The following DDX1 variants were observed in gnomAD, a reference collection of about 807,000 sequenced individuals.
DDX1 encodes ATP-dependent RNA helicase DDX1.
A neutral mutation model predicts 108.7 loss-of-function variants in DDX1; 28 were observed. The ratio of observed to expected loss-of-function variants is 0.26; its 90% confidence interval spans 0.19 to 0.35. The LOEUF (loss-of-function observed/expected upper bound fraction) is 0.35. DDX1 is among the 10% of genes least tolerant of loss of function. The pLI is 1.00. For missense variants in DDX1, 710 were observed against 884.5 expected (o/e 0.80, Z 2.50); for synonymous variants, 295 against 288.9 (o/e 1.02, Z -0.21).
intron 6 of DDX1, among the ~76,000 whole-genome samples, chr2:15,600,864 A>G (rs558320803): frequency 8.9e-5 from 12 of 135,138 alleles, no homozygotes; most frequent in African/African-American, 3.4e-4. Context: ...GTGTTTTCTT[A>G]TGCATCCAGT....
At chr2:15,624,542 T>C (rs1477949027) in intron 19 of DDX1, among the ~76,000 whole-genome samples, 3 of 152,134 alleles carry the variant, frequency 2.0e-5, no homozygotes, top group Non-Finnish European at 4.4e-5. Flanking sequence ...AAGCCCCTTA[T>C]AAAACCATCA....
At chr2:15,625,423 A>C (rs956289424) in intron 19 of DDX1, among the ~76,000 whole-genome samples, 1 of 152,164 alleles carries the variant, frequency 6.6e-6, no homozygotes, top group African/African-American at 2.4e-5. Flanking sequence ...GATTTCTTGA[A>C]TACAACTTTT....
In DDX1 at chr2:15,596,726, T is replaced by A. The variant is rs1665506324; in HGVS notation, c.133-8T>A. On this transcript the variant is annotated splice_region_variant and splice_polypyrimidine_tract_variant and intron_variant, in intron 3 of 25. Coordinates refer to ENST00000233084, the MANE Select transcript of DDX1 (RefSeq NM_004939.3). ...ATCTGTAAAATCAACTTTTTTCCCC[T>A]CATTCAGGCTGCAGAAACAGGAAGT... 6.2e-7 allele frequency: 1 copy of A among 1,610,972 alleles called. No individual in the cohort carries two copies. Among genetic ancestry groups the A allele is most frequent in the Non-Finnish European group, 8.5e-7 (1 of 1,177,920 alleles).
chr2:15,613,344 G>T, intron 14 of DDX1, 60 bp downstream of exon 14: 2 of 1,189,890 alleles, frequency 1.7e-6, no homozygotes, highest in South Asian at 2.8e-5. Context: ...TAGCAATACA[G>T]CTCTGTTTTG....
At chr2:15,595,089 C>A (rs1665477453) in intron 1 of DDX1, 56 bp from the exon 2 acceptor site, 1 of 1,325,244 alleles carries the variant, frequency 7.5e-7, no homozygotes, top group Non-Finnish European at 1.1e-6. Context: ...ATTTTGAGAG[C>A]AATGCAATTT....
At chr2:15,612,296 G>C (rs556132759) in intron 13 of DDX1, among the ~76,000 whole-genome samples, 444 of 150,988 alleles carry the variant, frequency 2.9e-3, no homozygotes, top group South Asian at 0.011. Flanking sequence ...ACGGGGTCGC[G>C]GCCGGGTAGA....
intron 7 of DDX1, 79 bp from the exon 8 acceptor site, chr2:15,603,113 A>G (rs1665612094): frequency 4.1e-6 from 4 of 984,838 alleles, no homozygotes; most frequent in Admixed American, 4.4e-5. Flanking sequence ...TGTAATTCAG[A>G]AACAATGGGA....
chr2:15,619,112 C>T lies in DDX1; in HGVS notation c.1206+842C>T, dbSNP rs542402060. 2.9e-4 allele frequency among the ~76,000 whole-genome samples: 44 copies of T among 152,320 alleles called. No homozygotes were observed. The South Asian group carries it at 8.9e-3, about 31-fold the overall frequency. On this transcript the variant is annotated intron_variant, in intron 16 of 25. Transcript: ENST00000233084. ...GAGCTCCTGCCTGCCCTGGCTCCCACCACCACCCTGGGCCCAGCTCCATCT... is the reference window on the plus strand; with the variant it reads ...GAGCTCCTGCCTGCCCTGGCTCCCATCACCACCCTGGGCCCAGCTCCATCT...
chr2:15,605,911 C>G (rs772131825), intron 10 of DDX1, 39 bp from the exon 11 acceptor site: 1 of 1,391,252 alleles, frequency 7.2e-7, no homozygotes, highest in East Asian at 2.3e-5. Flanking sequence ...AAGGTCTTTT[C>G]TGATTGTTTT....
Position 15,606,266 on chromosome 2 carries a change from T to G in DDX1, c.817+2T>G. 1 of 1,596,694 alleles carries G rather than the reference T, an allele frequency of 6.3e-7. No individual in the cohort carries two copies. Among genetic ancestry groups the G allele is most frequent in the Non-Finnish European group, 8.6e-7 (1 of 1,164,956 alleles). ...ACATTGTCAAATCACAGCACTCAGGTATTATACCTGCAAGGGTAAGGATTT... is the reference window on the plus strand; with the variant it reads ...ACATTGTCAAATCACAGCACTCAGGGATTATACCTGCAAGGGTAAGGATTT... On this transcript the variant is annotated splice_donor_variant, in intron 12 of 25. Transcript: ENST00000233084. LOFTEE classifies it high-confidence loss of function.
chr2:15,605,962 G>T lies in DDX1; in HGVS notation c.638G>T (p.Gly213Val), dbSNP rs1317843134. ...VKFSKNGKDL[G>V]LAFEIPPHMK... is the part of the protein sequence containing the mutation. ...CTTGTTTTTTAAGGAAAAGATCTTG[G>T]TCTGGCATTTGAAATACCACCACAT... The change falls in exon 11 of 26, where the codon GGT becomes GTT. Residue 213 changes from glycine to valine, a missense_variant. Around this residue, in one of 3 missense-constraint regions of DDX1, gnomAD observed 661 missense variants for 810.2 expected, o/e 0.82. Transcript: ENST00000233084. 2 of 1,572,122 alleles carry T rather than the reference G, an allele frequency of 1.3e-6. No homozygotes were observed. Among genetic ancestry groups the T allele is most frequent in the Non-Finnish European group, 8.6e-7 (1 of 1,163,740 alleles).
At chr2:15,597,627 T>C (rs1665523408) in intron 5 of DDX1, among the ~76,000 whole-genome samples, 156 bp downstream of exon 5, 1 of 152,156 alleles carries the variant, frequency 6.6e-6, no homozygotes, top group Non-Finnish European at 1.5e-5. Flanking sequence ...GGATGCTAAA[T>C]GTTGTTGAGA....
intron 18 of DDX1, 122 bp downstream of exon 18, chr2:15,621,238 A>G: frequency 1.5e-6 from 1 of 679,058 alleles, no homozygotes; most frequent in Non-Finnish European, 2.6e-6. Context: ...AATAAAGGCA[A>G]CAAAAATAAT....
At chr2:15,629,913 A>T in intron 24 of DDX1, 77 bp from the exon 25 acceptor site, 1 of 1,398,406 alleles carries the variant, frequency 7.2e-7, no homozygotes, top group South Asian at 1.4e-5. Context: ...TGGCCTTTCC[A>T]GCTTTATTTA....
intron 18 of DDX1, 88 bp from the exon 19 acceptor site, chr2:15,623,348 G>A: frequency 8.1e-7 from 1 of 1,228,292 alleles, no homozygotes; most frequent in Non-Finnish European, 1.1e-6. Flanking sequence ...GGAAAATTAA[G>A]CAGTCAGTCT....
rs1182899712 is a variant in DDX1, at chr2:15,627,146, G to A, written c.1686+1G>A. 6.4e-7 allele frequency: 1 copy of A among 1,562,486 alleles called. No homozygotes were observed. ...AAAGCAAAACTTGGAAAGATTTAAG[G>A]TACTGATACATAGTTGATTGTTTCC... On this transcript the variant is annotated splice_donor_variant, in intron 20 of 25. Transcript: ENST00000233084. LOFTEE classifies it high-confidence loss of function.
At chr2:15,601,962 C>T (rs540239289) in intron 6 of DDX1, among the ~76,000 whole-genome samples, 2 of 152,206 alleles carry the variant, frequency 1.3e-5, no homozygotes, top group South Asian at 2.1e-4. Flanking sequence ...CTTTTAGAGC[C>T]CTTATAATAT....
intron 1 of DDX1, among the ~76,000 whole-genome samples, chr2:15,592,778 G>A (rs1286523774): frequency 6.6e-6 from 1 of 152,104 alleles, no homozygotes; most frequent in Non-Finnish European, 1.5e-5. Context: ...AATGTATCAC[G>A]TTAGGCCTAA....
At chr2:15,620,156 TATTA>T (rs1665973369) in intron 16 of DDX1, 48 bp from the exon 17 acceptor site, 2 of 1,472,674 alleles carry the variant, frequency 1.4e-6, no homozygotes, top group East Asian at 2.3e-5. Flanking sequence ...TTGTGTGATT[TATTA>T]ATTATTATTA....
Sources: gnomAD v4.1 joint callset for allele counts (sites outside exome capture counted in the v4.1 genomes callset) on GRCh38, gnomAD v4.1.1 for gene constraint, gnomAD v4.1.1 regional missense constraint, MANE v1.5 for transcripts, NCBI Gene and HGNC (gene_info 2026-07-23, HGNC 2026-07-21) for gene names.